The following MRGPRX3 variants were observed in gnomAD, a reference collection of about 807,000 sequenced individuals.
The protein encoded by MRGPRX3 is mas-related G protein-coupled receptor member X3.
A neutral mutation model predicts 16.5 loss-of-function variants in MRGPRX3; 14 were observed. The ratio of observed to expected loss-of-function variants is 0.85; its 90% CI spans 0.56 to 1.33. The LOEUF (loss-of-function observed/expected upper bound fraction) is 1.33, where lower values mean the gene tolerates loss of function less well. MRGPRX3 is among the 40% of genes most tolerant of loss of function. The pLI is 0.00. For synonymous variants in MRGPRX3, 199 were observed against 180.1 expected (o/e 1.10, Z -0.84); for missense variants, 449 against 413.0 (o/e 1.09, Z -0.76).
intron 1 of MRGPRX3, among the ~76,000 whole-genome samples, chr11:18,123,563 C>A (rs1848861468): frequency 1.3e-5 from 2 of 152,088 alleles, no homozygotes; most frequent in Admixed American, 6.5e-5. Flanking sequence ...GTTTTGGTAC[C>A]AGTACCATGC....
chr11:18,127,068 C>G (rs1848905765), intron 1 of MRGPRX3, among the ~76,000 whole-genome samples: 1 of 152,132 alleles, frequency 6.6e-6, no homozygotes, highest in Non-Finnish European at 1.5e-5. Flanking sequence ...AATTGCCACA[C>G]TGACTTCTTT....
chr11:18,136,173 T>C lies in MRGPRX3; in HGVS notation c.-25-1005T>C, dbSNP rs1045816428. The stretch of plus-strand genomic sequence containing the variant: ...AAAGAGAGAATGAAATAGGTTTACA[T>C]TGTGTATACTCAGCAGAACACTTAG... On this transcript the variant is annotated intron_variant, in intron 1 of 1. Transcript: ENST00000621697. Among the ~76,000 whole-genome samples the C allele has an allele frequency of 1.6e-4, 25 of 152,340 alleles. No homozygotes were observed. In the Middle Eastern group the frequency reaches 0.014, roughly 83 times the overall value.
At chr11:18,122,816 T>C (rs1410021476) in intron 1 of MRGPRX3, among the ~76,000 whole-genome samples, 1 of 152,136 alleles carries the variant, frequency 6.6e-6, no homozygotes, top group Non-Finnish European at 1.5e-5. Flanking sequence ...GTGTAAAAGC[T>C]TTCCTGTTTC....
At chr11:18,131,580 T>C (rs1333912094), upstream of MRGPRX3, among the ~76,000 whole-genome samples, 1 of 152,214 alleles carries the variant, frequency 6.6e-6, no homozygotes, top group African/African-American at 2.4e-5. Context: ...TTTACACTGC[T>C]GGTGGGAATG....
intron 1 of MRGPRX3, among the ~76,000 whole-genome samples, chr11:18,133,951 G>A (rs904142999): frequency 6.6e-6 from 1 of 152,074 alleles, no homozygotes; most frequent in African/African-American, 2.4e-5. Flanking sequence ...CACTCTCTTG[G>A]GATGTCAAAC....
chr11:18,127,067 A>T (rs1848905722), intron 1 of MRGPRX3, among the ~76,000 whole-genome samples: 1 of 152,240 alleles, frequency 6.6e-6, no homozygotes, highest in Non-Finnish European at 1.5e-5. Flanking sequence ...GAATTGCCAC[A>T]CTGACTTCTT....
upstream of MRGPRX3, among the ~76,000 whole-genome samples, chr11:18,128,717 T>C (rs151141233): frequency 6.7e-3 from 1,025 of 152,350 alleles, 13 homozygotes; most frequent in Middle Eastern, 0.014. Context: ...CCTGACCCCT[T>C]GCACTTCCCG....
upstream of MRGPRX3, among the ~76,000 whole-genome samples, chr11:18,128,241 A>G (rs1446800188): frequency 6.6e-6 from 1 of 152,220 alleles, no homozygotes; most frequent in Non-Finnish European, 1.5e-5. Flanking sequence ...TCACTTGAGG[A>G]GGCAGTCTGC....
chr11:18,128,769 C>G (rs891245736), upstream of MRGPRX3, among the ~76,000 whole-genome samples: 1 of 152,200 alleles, frequency 6.6e-6, no homozygotes, highest in Admixed American at 6.5e-5. Context: ...ACACTTGGTG[C>G]GCTGCACCCA....
chr11:18,123,690 T>C (rs773475144), intron 1 of MRGPRX3, among the ~76,000 whole-genome samples: 1 of 152,218 alleles, frequency 6.6e-6, no homozygotes, highest in Non-Finnish European at 1.5e-5. Context: ...TGCTTCCATA[T>C]GAATTTTAAA....
chr11:18,132,483 A>T (rs868675995), upstream of MRGPRX3: 2 of 152,222 alleles, frequency 1.3e-5, no homozygotes, highest in South Asian at 4.1e-4. Flanking sequence ...ACAGAGGCCA[A>T]GAATCATCTC....
At chr11:18,136,982 A>T (rs1289356178) in intron 1 of MRGPRX3, among the ~76,000 whole-genome samples, 196 bp from the exon 2 acceptor site, 1 of 152,162 alleles carries the variant, frequency 6.6e-6, no homozygotes, top group Non-Finnish European at 1.5e-5. Flanking sequence ...GGCAGTAGAG[A>T]GAGGTCAGGC....
Position 18,126,641 on chromosome 11 carries a change from C to T in MRGPRX3, c.-152+5477C>T, listed in dbSNP as rs190504438. Among the ~76,000 whole-genome samples, 3 of 152,216 alleles carry T rather than the reference C, an allele frequency of 2.0e-5. No individual in the cohort carries two copies. The East Asian group carries it at 5.8e-4, about 29-fold the overall frequency. On this transcript the variant is annotated intron_variant, in intron 1 of 2. Coordinates refer to the MRGPRX3 transcript ENST00000396275. ...ATATCTCCTAATGCTATCCCTCCCC[C>T]TTCCCCCACCCCACAACCGTTCCCA...
intron 1 of MRGPRX3, among the ~76,000 whole-genome samples, chr11:18,121,459 G>C (rs1379301609): frequency 6.6e-6 from 1 of 151,772 alleles, no homozygotes; most frequent in Admixed American, 6.6e-5. Context: ...AGGTGGGGGG[G>C]TTAGCCCCCC....
At chr11:18,127,049 T>A (rs1478531581) in intron 1 of MRGPRX3, among the ~76,000 whole-genome samples, 1 of 152,210 alleles carries the variant, frequency 6.6e-6, no homozygotes, top group Non-Finnish European at 1.5e-5. Context: ...TAGTCCTAGA[T>A]CCCTGAGGAA....
chr11:18,133,052 C>T (rs911223387), intron 1 of MRGPRX3, among the ~76,000 whole-genome samples: 2 of 152,178 alleles, frequency 1.3e-5, no homozygotes, highest in African/African-American at 4.8e-5. Context: ...GCATTTCTTC[C>T]CAGAGTTGAA....
At chr11:18,122,438 T>A (rs1049442615) in intron 1 of MRGPRX3, among the ~76,000 whole-genome samples, 9 of 152,162 alleles carry the variant, frequency 5.9e-5, no homozygotes, top group African/African-American at 2.2e-4. Flanking sequence ...ATATGTGGTG[T>A]TTGGTTTTCT....
chr11:18,130,155 C>T (rs1477033363), upstream of MRGPRX3, among the ~76,000 whole-genome samples: 1 of 152,110 alleles, frequency 6.6e-6, no homozygotes, highest in Non-Finnish European at 1.5e-5. Flanking sequence ...TTCTATTCAA[C>T]ATAGTAGTGG....
chr11:18,127,380 C>G (rs1848911553), intron 1 of MRGPRX3, among the ~76,000 whole-genome samples: 1 of 152,170 alleles, frequency 6.6e-6, no homozygotes, highest in Non-Finnish European at 1.5e-5. Context: ...CAGCTTGGTT[C>G]CATTCTCCCC....
Sources: gnomAD v4.1 joint callset for allele counts (sites outside exome capture counted in the v4.1 genomes callset) on GRCh38, gnomAD v4.1.1 for gene constraint, MANE v1.5 for transcripts, NCBI Gene and HGNC (gene_info 2026-07-23, HGNC 2026-07-21) for gene names.